Variants in NECTIN1 observed in about 807,000 individuals in gnomAD.
NECTIN1 encodes nectin-1.
Under a neutral mutation model 48.0 loss-of-function variants are expected in NECTIN1, and 23 were observed. That is an observed-to-expected ratio of 0.48 (90% CI 0.34 to 0.68). The LOEUF (loss-of-function observed/expected upper bound fraction) is 0.68. Ranked by LOEUF, NECTIN1 falls within the 30% of genes least tolerant of loss-of-function variation. The pLI is 0.01. For missense variants in NECTIN1, 591 were observed against 709.9 expected, an observed-to-expected ratio of 0.83 and a Z score of 1.90; for synonymous variants, 270 against 288.9, an observed-to-expected ratio of 0.93 and a Z score of 0.66.
At chr11:119,694,382 T>C (rs570032830) in intron 1 of NECTIN1, among the ~76,000 whole-genome samples, 1 of 152,278 alleles carries the variant, frequency 6.6e-6, no homozygotes, top group South Asian at 2.1e-4. Flanking sequence ...AGAAATGTAC[T>C]GTGGTGGTTT....
intron 5 of NECTIN1, among the ~76,000 whole-genome samples, chr11:119,653,802 C>A (rs577746547): frequency 2.0e-5 from 3 of 152,322 alleles, no homozygotes; most frequent in African/African-American, 7.2e-5. Flanking sequence ...CTCCTTTAAT[C>A]CTTACAGCCG....
intron 1 of NECTIN1, among the ~76,000 whole-genome samples, chr11:119,728,154 C>T (rs1865945551): frequency 1.3e-5 from 2 of 152,240 alleles, no homozygotes; most frequent in Middle Eastern, 3.2e-3. Context: ...CGCAGTGTTT[C>T]CAAACTGCTT....
intron 1 of NECTIN1, among the ~76,000 whole-genome samples, chr11:119,686,783 T>A (rs1865164936): frequency 6.6e-6 from 1 of 152,204 alleles, no homozygotes. Flanking sequence ...GGAGCCCTCC[T>A]CTTCCCACCT....
chr11:119,677,038 C>A lies in NECTIN1; in HGVS notation c.851+64G>T. ...AGGCTCCTGGAGGTAGGATGGTTGCCCCTCATCACCCGTGGTCCAGTCAGC... is the reference window on the plus strand; with the variant it reads ...AGGCTCCTGGAGGTAGGATGGTTGCACCTCATCACCCGTGGTCCAGTCAGC... On this transcript the variant is annotated intron_variant, in intron 4 of 5. Transcript: ENST00000264025. This position sits in a 1 kb window ranked among gnomAD's most constrained non-coding sequence, Gnocchi z 5.4. 1 of 1,395,356 alleles carries A rather than the reference C, an allele frequency of 7.2e-7. No homozygotes were observed. 86.4% of individuals were successfully genotyped at this position (1,395,356 alleles called of 1,614,324 possible).
At chr11:119,708,478 A>G (rs1329869848) in intron 1 of NECTIN1, among the ~76,000 whole-genome samples, 3 of 152,168 alleles carry the variant, frequency 2.0e-5, no homozygotes, top group African/African-American at 7.2e-5. Flanking sequence ...TGTGCTTTGG[A>G]AAGAGGCACA....
intron 6 of NECTIN1, chr11:119,639,472 C>CCT (rs1466237093): frequency 3.2e-6 from 1 of 308,606 alleles, no homozygotes; most frequent in African/African-American, 2.1e-5. Context: ...ATACTTTGTG[C>CCT]CTCTCTCTCC....
chr11:119,671,452 G>T (rs182198694), intron 5 of NECTIN1, among the ~76,000 whole-genome samples: 2 of 152,262 alleles, frequency 1.3e-5, no homozygotes, highest in East Asian at 3.9e-4. Context: ...TGCCTTTGGG[G>T]TCCTGGTTCT....
At chr11:119,691,480 C>A (rs969821262) in intron 1 of NECTIN1, among the ~76,000 whole-genome samples, 2 of 152,218 alleles carry the variant, frequency 1.3e-5, no homozygotes, top group Non-Finnish European at 2.9e-5. Context: ...GGCTGCTCTG[C>A]GGGTGGTCTG....
Position 119,709,028 on chromosome 11 carries a change from G to A in NECTIN1, c.79+19447C>T, listed in dbSNP as rs573868241. 5.3e-5 allele frequency among the ~76,000 whole-genome samples: 8 copies of A among 151,966 alleles called. No homozygotes were observed. Among genetic ancestry groups the A allele is most frequent in the African/African-American group, 1.9e-4 (8 of 41,342 alleles). On this transcript the variant is annotated intron_variant, in intron 1 of 5. Transcript: ENST00000264025. This position sits in a 1 kb window ranked among gnomAD's most constrained non-coding sequence, Gnocchi z 4.1. ...TGATTTTGCTGGGGGAGGGGGCACC[G>A]GAGAGATCCTGAGACACTCTACCCC...
rs746514243 is a variant in NECTIN1 at position 119,677,087 on chromosome 11, C to A, written c.851+15G>T. On this transcript the variant is annotated intron_variant, in intron 4 of 5. Transcript: ENST00000264025. This position sits in a 1 kb window ranked among gnomAD's most constrained non-coding sequence, Gnocchi z 5.4. The stretch of plus-strand genomic sequence containing the variant: ...GCTGTCTTCCAAGGTGACTGGTCAG[C>A]CCTGCAGCACTTACGTGGTCCAGTG... The A allele has an allele frequency of 3.1e-6, 5 of 1,609,590 alleles. No homozygotes were observed. The South Asian group carries it at 5.5e-5, about 18-fold the overall frequency.
In NECTIN1 at chr11:119,664,646, G is replaced by T; in HGVS notation, c.*101C>A. ...GGGCTGGCTTTGGGCAGCTGGGCAA[G>T]TCTCTGTTCAGCTCCTGGAGTGGGA... On this transcript the variant is annotated 3_prime_UTR_variant, in exon 6 of 6. Transcript: ENST00000264025. 1 of 1,446,552 alleles carries T rather than the reference G, an allele frequency of 6.9e-7. No individual in the cohort carries two copies. The highest frequency in any genetic ancestry group is 9.1e-7 in the Non-Finnish European group (1 of 1,097,712). The allele number at this position is 1,446,552 out of a possible 1,614,324, so 89.6% of individuals were successfully genotyped here. A position where few individuals can be genotyped will look rare whatever the true frequency, so the allele number is the denominator to read the frequency against.
rs537747857 is a variant in NECTIN1, at chr11:119,653,619, T to A, written c.1004-13607A>T. On this transcript the variant is annotated intron_variant, in intron 5 of 7. Coordinates refer to the NECTIN1 transcript ENST00000341398. Reference sequence around the variant, plus strand: ...ACAGAGCTGGGATCCTACCTGGAACTTGGCAAGTGTCTTACTTCTTGATGT... The same window carrying A: ...ACAGAGCTGGGATCCTACCTGGAACATGGCAAGTGTCTTACTTCTTGATGT... Among the ~76,000 whole-genome samples, 8 of 152,342 alleles carry A rather than the reference T, an allele frequency of 5.3e-5. No individual in the cohort carries two copies. The South Asian group carries it at 8.3e-4, about 16-fold the overall frequency.
intron 5 of NECTIN1, among the ~76,000 whole-genome samples, chr11:119,645,492 G>A (rs1864385688): frequency 6.6e-6 from 1 of 152,184 alleles, no homozygotes; most frequent in Admixed American, 6.5e-5. Flanking sequence ...AGGGGACCTT[G>A]CAGGCTGGCA....
chr11:119,721,223 A>G (rs1200502902), intron 1 of NECTIN1, among the ~76,000 whole-genome samples: 1 of 152,216 alleles, frequency 6.6e-6, no homozygotes, highest in Admixed American at 6.5e-5. Context: ...CCGGCTCCCC[A>G]GAACAGCCCT....
intron 1 of NECTIN1, among the ~76,000 whole-genome samples, chr11:119,682,446 C>T (rs549764071): frequency 5.3e-4 from 81 of 152,276 alleles, no homozygotes; most frequent in Admixed American, 2.2e-3. Context: ...GCTGAGCTAG[C>T]GTCTCCCACC....
intron 1 of NECTIN1, among the ~76,000 whole-genome samples, chr11:119,697,107 T>C (rs976832786): frequency 1.3e-5 from 2 of 151,666 alleles, no homozygotes; most frequent in Admixed American, 1.3e-4. Flanking sequence ...TCACCCACAA[T>C]AGATGTGGGG....
At chr11:119,642,649 C>T (rs1161183144) in intron 5 of NECTIN1, 1 of 153,630 alleles carries the variant, frequency 6.5e-6, no homozygotes, top group Non-Finnish European at 1.5e-5. Context: ...CATCCCTCGG[C>T]ATCTCTGGGG....
chr11:119,657,181 T>C (rs1233826029), downstream of NECTIN1, among the ~76,000 whole-genome samples: 2 of 152,154 alleles, frequency 1.3e-5, no homozygotes, highest in African/African-American at 4.8e-5. Context: ...GTGTGTTAAC[T>C]CATGGAATAA....
At chr11:119,674,485 A>G (rs1478330921) in intron 5 of NECTIN1, 1 of 1,612,398 alleles carries the variant, frequency 6.2e-7, no homozygotes. Flanking sequence ...CCTTCAAGGT[A>G]CATCATACTG....
Sources: gnomAD v4.1 joint callset for allele counts (sites outside exome capture counted in the v4.1 genomes callset) on GRCh38, gnomAD v4.1.1 for gene constraint, Gnocchi (gnomAD v3.1) non-coding constraint, MANE v1.5 for transcripts, NCBI Gene and HGNC (gene_info 2026-07-23, HGNC 2026-07-21) for gene names.